The following DEPDC5 variants were observed in gnomAD, a reference collection of about 807,000 sequenced individuals.
DEPDC5 encodes GATOR1 complex protein DEPDC5.
In DEPDC5, 73 loss-of-function variants were observed where a neutral mutation model predicts 217.3. The observed-to-expected ratio is 0.34, with a 90% CI of 0.28 to 0.41. DEPDC5 has a LOEUF of 0.41. DEPDC5 is among the 10% of genes least tolerant of loss of function. The probability of loss-of-function intolerance (pLI) is 1.00; values close to 1 mark genes in which losing one functional copy is unlikely to be tolerated. For missense variants in DEPDC5, 1,675 were observed against 2,070.1 expected, an observed-to-expected ratio of 0.81 and a Z score of 3.70; for synonymous variants, 733 against 756.7, an observed-to-expected ratio of 0.97 and a Z score of 0.51.
chr22:31,765,014 G>A lies in DEPDC5; in HGVS notation c.233G>A (p.Arg78Gln), dbSNP rs373578854. 5.0e-6 allele frequency: 8 copies of A among 1,614,092 alleles called. No homozygotes were observed. Among genetic ancestry groups the A allele is most frequent in the South Asian group, 2.2e-5 (2 of 91,082 alleles). Residue 78 changes from arginine to glutamine, a missense_variant, in exon 5 of 43, where the codon CGG becomes CAG. Transcript: ENST00000651528. ...GACCAGACTGTGACTCAAGTGTTCC[G>A]GCTGAGACCTTATCAGGATGTCTAT... is the stretch of plus-strand genomic sequence containing the variant. ...SVDQTVTQVF[R>Q]LRPYQDVYVN...
chr22:31,786,549 G>A (rs1376343123), intron 10 of DEPDC5, among the ~76,000 whole-genome samples: 3 of 151,234 alleles, frequency 2.0e-5, no homozygotes, highest in Non-Finnish European at 4.4e-5. Context: ...GTGCAGTGGT[G>A]CAATCTCAGC....
Position 31,845,180 on chromosome 22 carries a change from C to T in DEPDC5, c.2964C>T (p.Arg988=), listed in dbSNP as rs1229684089. Residue 988 remains arginine (R), a synonymous_variant, in exon 30 of 43, where the codon CGC becomes CGT. Coordinates refer to ENST00000651528, the MANE Select transcript of DEPDC5 (RefSeq NM_001242896.3). ...GGCAACTCCTGGATGGTTTTGTCCG[C>T]TTTGTGGAGGGCTTGAATCGCATTC... is the stretch of plus-strand genomic sequence containing the variant. The part of the protein sequence containing the change: ...DEWQLLDGFV[R]FVEGLNRIRR... The T allele has an allele frequency of 1.2e-6, 2 of 1,614,180 alleles. No homozygotes were observed. The highest frequency in any genetic ancestry group is 4.5e-5 in the East Asian group (2 of 44,882).
chr22:31,906,858 C>T lies in DEPDC5; in HGVS notation c.*361C>T. 2.6e-6 allele frequency: 1 copy of T among 382,866 alleles called. No individual in the cohort carries two copies. The highest frequency in any genetic ancestry group is 4.8e-6 in the Non-Finnish European group (1 of 207,228). The allele number at this position is 382,866 out of a possible 1,614,324, so 23.7% of individuals were successfully genotyped here. On this transcript the variant is annotated 3_prime_UTR_variant, in exon 43 of 43. Transcript: ENST00000651528. The surrounding 1 kb of genome is among the most constrained non-coding windows in gnomAD (Gnocchi z 5.1). ...GGTGGCTCCTGGTAGCATCCTTTTC[C>T]TTCACCATCTATGGGATATTAGGGG...
At position 31,857,453 on chromosome 22, in the gene DEPDC5, G is replaced by A; in HGVS notation, c.3164G>A (p.Gly1055Glu). The stretch of plus-strand genomic sequence containing the variant: ...GCTTTTCCTCCTTTCAGGTGCCTGG[G>A]AGAACAGCAGGCAGCTGTGCATGGT... ...LEMEASQKCL[G>E]EQQAAVHGGK... is the part of the protein sequence containing the mutation. Residue 1055 changes from glycine to glutamate, a missense_variant, in exon 32 of 43, where the codon GGA becomes GAA. Transcript: ENST00000651528. 1.2e-6 allele frequency: 2 copies of A among 1,606,392 alleles called. No individual in the cohort carries two copies. The highest frequency in any genetic ancestry group is 8.5e-7 in the Non-Finnish European group (1 of 1,176,604).
chr22:31,760,415 A>G (rs1445416071), intron 3 of DEPDC5, among the ~76,000 whole-genome samples: 2 of 152,076 alleles, frequency 1.3e-5, no homozygotes, highest in Admixed American at 1.3e-4. Context: ...CGTGTTAGCC[A>G]GGATGGTCTC....
intron 32 of DEPDC5, among the ~76,000 whole-genome samples, chr22:31,860,216 G>T (rs1305296936): frequency 1.3e-5 from 2 of 152,198 alleles, no homozygotes; most frequent in East Asian, 1.9e-4. Flanking sequence ...CTGCTGACAT[G>T]CTCAGAAATG....
At position 31,819,158 on chromosome 22, in the gene DEPDC5, C is replaced by T. The variant is rs368563183; in HGVS notation, c.1803C>T (p.Phe601=). The T allele has an allele frequency of 2.8e-5, 45 of 1,614,060 alleles. No individual in the cohort carries two copies. Among genetic ancestry groups the T allele is most frequent in the Non-Finnish European group, 3.7e-5 (44 of 1,180,032 alleles). ...YTPQRALINP[F]APSRMPMKLT... ...CCCAGAGAGCACTGATTAACCCCTTCGCTCCCTCTCGGATGCCCATGAAGC... is the reference window on the plus strand; with the variant it reads ...CCCAGAGAGCACTGATTAACCCCTTTGCTCCCTCTCGGATGCCCATGAAGC... The change falls in exon 22 of 43, where the codon TTC becomes TTT. Residue 601 remains phenylalanine (F), a synonymous_variant. Coordinates refer to ENST00000651528, the MANE Select transcript of DEPDC5 (RefSeq NM_001242896.3).
intron 24 of DEPDC5, among the ~76,000 whole-genome samples, chr22:31,823,639 G>C (rs921650011): frequency 6.6e-6 from 1 of 152,084 alleles, no homozygotes; most frequent in Admixed American, 6.6e-5. Context: ...GCGGGTGGGG[G>C]AAGCAGTATG....
rs1555918455 is a variant in DEPDC5, at chr22:31,879,043, A to ATAT, written c.3806-482_3806-481insTAT. 5.2e-3 allele frequency among the ~76,000 whole-genome samples: 615 copies of ATAT among 119,376 alleles called. 6 individuals carry two copies. Among genetic ancestry groups the ATAT allele is most frequent in the East Asian group, 0.019 (77 of 4,062 alleles). The allele number at this position is 119,376 out of a possible 152,430, so 78.3% of individuals were successfully genotyped here. On this transcript the variant is annotated intron_variant, in intron 37 of 42. Coordinates refer to ENST00000651528, the MANE Select transcript of DEPDC5 (RefSeq NM_001242896.3). ...AGACTCCGTCTCAAAAAAAAAAAAAAATATATATATATATATATATATATA... is the reference window on the plus strand; with the variant it reads ...AGACTCCGTCTCAAAAAAAAAAAAAATATATATATATATATATATATATATATA...
At chr22:31,868,780 A>G (rs2092758071) in intron 33 of DEPDC5, among the ~76,000 whole-genome samples, 1 of 152,172 alleles carries the variant, frequency 6.6e-6, no homozygotes, top group South Asian at 2.1e-4. Flanking sequence ...TGATAGAAAG[A>G]TCCCTTCTGG....
At chr22:31,866,475 T>G (rs906493962) in intron 33 of DEPDC5, among the ~76,000 whole-genome samples, 4 of 152,126 alleles carry the variant, frequency 2.6e-5, no homozygotes, top group African/African-American at 4.8e-5. Context: ...AACCTCCGCC[T>G]CCCGAGTTCA....
At chr22:31,768,946 A>G in intron 7 of DEPDC5, 83 bp downstream of exon 7, 1 of 1,518,650 alleles carries the variant, frequency 6.6e-7, no homozygotes, top group Non-Finnish European at 9.1e-7. Context: ...TCCATATAAT[A>G]AAATGTGTAA....
At chr22:31,774,038 T>C (rs1489540618) in intron 7 of DEPDC5, among the ~76,000 whole-genome samples, 2 of 151,972 alleles carry the variant, frequency 1.3e-5, no homozygotes, top group Non-Finnish European at 2.9e-5. Context: ...GCCATTGCAC[T>C]CCACCCTGGG....
In DEPDC5 at chr22:31,906,785, A is replaced by G; in HGVS notation, c.*288A>G. 2.0e-6 allele frequency: 1 copy of G among 511,764 alleles called. No homozygotes were observed. The highest frequency in any genetic ancestry group is 2.5e-5 in the South Asian group (1 of 39,436). The allele number at this position is 511,764 out of a possible 1,614,324, so 31.7% of individuals were successfully genotyped here. A position where few individuals can be genotyped will look rare whatever the true frequency, so the allele number is the denominator to read the frequency against. ...CACAGATTGTCCGTGGGAGGGCTCCAGTGTCTGGGAAGAGGGCAGGCGGCC... is the reference window on the plus strand; with the variant it reads ...CACAGATTGTCCGTGGGAGGGCTCCGGTGTCTGGGAAGAGGGCAGGCGGCC... On this transcript the variant is annotated 3_prime_UTR_variant, in exon 43 of 43. Transcript: ENST00000651528. This position sits in a 1 kb window ranked among gnomAD's most constrained non-coding sequence, Gnocchi z 5.1.
intron 7 of DEPDC5, among the ~76,000 whole-genome samples, chr22:31,772,057 ACT>A (rs2083412737): frequency 6.6e-6 from 1 of 152,008 alleles, no homozygotes; most frequent in Non-Finnish European, 1.5e-5. Context: ...ACAGAGTCAG[ACT>A]CTGGCTAAAA....
At chr22:31,755,997 C>T (rs949929296) in intron 2 of DEPDC5, among the ~76,000 whole-genome samples, 36 of 151,266 alleles carry the variant, frequency 2.4e-4, no homozygotes, top group Non-Finnish European at 2.9e-5. Context: ...CTCAGCCTCC[C>T]GAGTAGCTGG....
At chr22:31,823,067 C>A in intron 24 of DEPDC5, 1 of 393,918 alleles carries the variant, frequency 2.5e-6, no homozygotes, top group Non-Finnish European at 4.8e-6. Flanking sequence ...GTATTGAGGG[C>A]AACACCATGG....
At chr22:31,801,123 T>C (rs2086828476) in intron 14 of DEPDC5, among the ~76,000 whole-genome samples, 2 of 151,720 alleles carry the variant, frequency 1.3e-5, no homozygotes, top group African/African-American at 2.4e-5. Context: ...CGAAACCCCA[T>C]CTTTACTAAA....
Position 31,856,157 on chromosome 22 carries a change from A to G in DEPDC5, c.3156-1288A>G, listed in dbSNP as rs866143670. Reference sequence around the variant, plus strand: ...GATGTGCTGAGTTGGGCCAACGCGCACACACACACACACACACACACACAC... The same window carrying G: ...GATGTGCTGAGTTGGGCCAACGCGCGCACACACACACACACACACACACAC... On this transcript the variant is annotated intron_variant, in intron 31 of 42. Coordinates refer to ENST00000651528, the MANE Select transcript of DEPDC5 (RefSeq NM_001242896.3). Among the ~76,000 whole-genome samples, 376 of 129,858 alleles carry G rather than the reference A, an allele frequency of 2.9e-3. 2 individuals are homozygous for G. Among genetic ancestry groups the G allele is most frequent in the South Asian group, 3.9e-3 (16 of 4,112 alleles). The allele number at this position is 129,858 out of a possible 152,430, so 85.2% of individuals were successfully genotyped here. A position where few individuals can be genotyped will look rare whatever the true frequency, so the allele number is the denominator to read the frequency against.
Sources: allele counts gnomAD v4.1 joint callset (sites outside exome capture counted in the v4.1 genomes callset), GRCh38; gene constraint gnomAD v4.1.1; non-coding constraint Gnocchi (gnomAD v3.1); transcripts MANE v1.5; gene names NCBI Gene and HGNC (gene_info 2026-07-23, HGNC 2026-07-21).